The following ZNF367 variants were observed in gnomAD, a reference collection of about 807,000 sequenced individuals.
The protein encoded by ZNF367 is zinc finger protein 367, also known as C2H2 zinc finger protein ZFF29.
ZNF367 carries 11 observed loss-of-function variants against 31.8 expected under a neutral mutation model. The observed-to-expected ratio is 0.35, with a 90% CI of 0.22 to 0.57. ZNF367 has a LOEUF of 0.57. Ranked by LOEUF, ZNF367 falls within the 20% of genes least tolerant of loss-of-function variation. The pLI is 0.85. For synonymous variants in ZNF367, 199 were observed against 202.4 expected (o/e 0.98, Z 0.14); for missense variants, 353 against 484.1 (o/e 0.73, Z 2.54).
intron 1 of ZNF367, among the ~76,000 whole-genome samples, chr9:96,399,674 C>T (rs1564141587): frequency 6.6e-6 from 1 of 152,100 alleles, no homozygotes; most frequent in Non-Finnish European, 1.5e-5. Context: ...AAAAATTAGC[C>T]AGGCATAGTG....
At chr9:96,396,906 AT>A (rs1831538166) in intron 2 of ZNF367, among the ~76,000 whole-genome samples, 3 of 152,206 alleles carry the variant, frequency 2.0e-5, no homozygotes, top group Middle Eastern at 3.4e-3. Context: ...ACCTCAGGTG[AT>A]CCACCCACCT....
chr9:96,402,619 ATTTTTT>A (rs61651699), intron 1 of ZNF367, among the ~76,000 whole-genome samples: 47 of 70,200 alleles, frequency 6.7e-4, no homozygotes, highest in African/African-American at 8.4e-4. Context: ...CGCCTGGCTA[ATTTTTT>A]TTTTTTTTTT....
intron 1 of ZNF367, among the ~76,000 whole-genome samples, chr9:96,412,193 C>A (rs370547006): frequency 1.6e-4 from 25 of 152,172 alleles, no homozygotes; most frequent in East Asian, 9.6e-4. Context: ...CAGAGTGTTA[C>A]ACTCAGCAGC....
chr9:96,416,188 G>A (rs943755208), intron 1 of ZNF367, among the ~76,000 whole-genome samples: 1 of 146,516 alleles, frequency 6.8e-6, no homozygotes, highest in East Asian at 2.1e-4. Context: ...CCCGCTTCAC[G>A]CCATTCTCCT....
intron 3 of ZNF367, among the ~76,000 whole-genome samples, chr9:96,392,810 C>T (rs35559675): frequency 0.025 from 3,880 of 152,264 alleles, 74 homozygotes; most frequent in Middle Eastern, 0.054. Context: ...AATGGCAGGG[C>T]GTGGTGGCTC....
chr9:96,410,576 A>AAC (rs1831734036), intron 1 of ZNF367, among the ~76,000 whole-genome samples: 1 of 147,492 alleles, frequency 6.8e-6, no homozygotes, highest in Non-Finnish European at 1.5e-5. Flanking sequence ...AAAAAAAAAA[A>AAC]AAACAAAAAA....
At chr9:96,394,727 T>TA (rs1831510332) in intron 3 of ZNF367, 96 bp downstream of exon 3, 8 of 1,153,280 alleles carry the variant, frequency 6.9e-6, no homozygotes, top group Non-Finnish European at 9.6e-6. Flanking sequence ...AAATTTATAT[T>TA]AAAAAATCTT....
chr9:96,389,209 A>G (rs1831440295), intron 4 of ZNF367, among the ~76,000 whole-genome samples: 2 of 151,822 alleles, frequency 1.3e-5, no homozygotes, highest in African/African-American at 2.4e-5. Flanking sequence ...CTGAGGCAGG[A>G]GAATGACTTG....
At chr9:96,415,740 C>T (rs1183747033) in intron 1 of ZNF367, among the ~76,000 whole-genome samples, 3 of 151,838 alleles carry the variant, frequency 2.0e-5, no homozygotes, top group Non-Finnish European at 4.4e-5. Flanking sequence ...CTCAGGTGAT[C>T]CACCCGCCTC....
chr9:96,399,902 C>T (rs896291544), intron 1 of ZNF367, among the ~76,000 whole-genome samples: 4 of 152,120 alleles, frequency 2.6e-5, no homozygotes, highest in African/African-American at 9.7e-5. Flanking sequence ...ACAAAGAACA[C>T]AGAATTTAGA....
chr9:96,404,656 A>G (rs912815084), intron 1 of ZNF367, among the ~76,000 whole-genome samples: 2 of 151,962 alleles, frequency 1.3e-5, no homozygotes, highest in Non-Finnish European at 2.9e-5. Flanking sequence ...AAAGACTGTA[A>G]TGCTCTTAAA....
intron 1 of ZNF367, among the ~76,000 whole-genome samples, chr9:96,410,470 G>A (rs1430465855): frequency 2.4e-4 from 36 of 147,816 alleles, no homozygotes; most frequent in African/African-American, 7.9e-4. Flanking sequence ...GCTGAGGCAG[G>A]AGAATGGCGT....
chr9:96,412,703 T>C (rs1831766923), intron 1 of ZNF367, among the ~76,000 whole-genome samples: 2 of 150,366 alleles, frequency 1.3e-5, no homozygotes, highest in South Asian at 4.2e-4. Context: ...TTTTCTTTTT[T>C]TTTTTTTTTT....
chr9:96,412,173 C>T (rs550099581), intron 1 of ZNF367, among the ~76,000 whole-genome samples: 8 of 152,176 alleles, frequency 5.3e-5, no homozygotes, highest in Admixed American at 1.3e-4. Context: ...TAGGCATCTT[C>T]GGACAATTAC....
Position 96,392,349 on chromosome 9 carries a change from C to T in ZNF367, c.830+49G>A, listed in dbSNP as rs73541059. On this transcript the variant is annotated intron_variant, in intron 4 of 4. Coordinates refer to ENST00000375256, the MANE Select transcript of ZNF367 (RefSeq NM_153695.4). Reference sequence around the variant, plus strand: ...CATGTCCAGGTCCCTGACATAGCCCCAGCCCGCGCTGTGCATCTTCACGGT... The same window carrying T: ...CATGTCCAGGTCCCTGACATAGCCCTAGCCCGCGCTGTGCATCTTCACGGT... 4.8e-4 allele frequency: 768 copies of T among 1,613,252 alleles called. 3 individuals are homozygous for T. The African/African-American group carries it at 8.9e-3, about 19-fold the overall frequency.
intron 2 of ZNF367, 86 bp downstream of exon 2, chr9:96,398,078 A>G: frequency 7.7e-7 from 1 of 1,301,774 alleles, no homozygotes; most frequent in Admixed American, 2.6e-5. Flanking sequence ...CAACAGAGCG[A>G]GACTATCTCA....
chr9:96,388,647 G>A (rs1039999697), intron 4 of ZNF367, among the ~76,000 whole-genome samples, 188 bp from the exon 5 acceptor site: 1 of 152,188 alleles, frequency 6.6e-6, no homozygotes, highest in Non-Finnish European at 1.5e-5. Context: ...GTTAAGAGAC[G>A]TGCTCAGGTT....
intron 1 of ZNF367, among the ~76,000 whole-genome samples, chr9:96,402,440 CTTTCTTTTTTTTTT>C (rs1831616479): frequency 7.6e-6 from 1 of 130,788 alleles, no homozygotes; most frequent in African/African-American, 2.9e-5. Flanking sequence ...TTACTTCTTT[CTTTCTTTTTTTTTT>C]TTTTTTTTTT....
Position 96,417,525 on chromosome 9 carries a change from C to G in ZNF367, c.420+88G>C. 1 of 273,836 alleles carries G rather than the reference C, an allele frequency of 3.7e-6. No homozygotes were observed. Among genetic ancestry groups the G allele is most frequent in the Non-Finnish European group, 6.8e-6 (1 of 147,262 alleles). The allele number at this position is 273,836 out of a possible 1,614,324, so 17.0% of individuals were successfully genotyped here. On this transcript the variant is annotated intron_variant, in intron 1 of 4. Transcript: ENST00000375256. This position sits in a 1 kb window ranked among gnomAD's most constrained non-coding sequence, Gnocchi z 5.0. ...GCCCCCGCCGTAGCCGGATCGACCT[C>G]GCGTTTTCAACTCCGCCCCGCCCGC...
Sources: gnomAD v4.1 joint callset for allele counts (sites outside exome capture counted in the v4.1 genomes callset) on GRCh38, gnomAD v4.1.1 for gene constraint, Gnocchi (gnomAD v3.1) non-coding constraint, MANE v1.5 for transcripts, NCBI Gene and HGNC (gene_info 2026-07-23, HGNC 2026-07-21) for gene names.